The following TMCO5A variants were observed in gnomAD, a reference collection of about 807,000 sequenced individuals.
The protein encoded by TMCO5A is transmembrane and coiled-coil domain-containing protein 5A.
Under a neutral mutation model 42.3 loss-of-function variants are expected in TMCO5A, and 34 were observed. The ratio of observed to expected loss-of-function variants is 0.80; its 90% CI spans 0.61 to 1.07. The LOEUF is 1.07. TMCO5A is among the 50% of genes least tolerant of loss of function. The pLI, the probability that TMCO5A is intolerant of heterozygous loss-of-function variation, is 0.00. For synonymous variants in TMCO5A, 131 were observed against 115.6 expected (o/e 1.13, Z -0.86); for missense variants, 357 against 327.9 (o/e 1.09, Z -0.69).
At chr15:37,981,431 C>G in the TMCO5A span, among the ~76,000 whole-genome samples, 3 of 152,152 alleles carry the variant, frequency 2.0e-5, no homozygotes, top group Admixed American at 6.5e-5. Flanking sequence ...ATTAACTTTG[C>G]TTCCTTAAAA....
At chr15:38,001,214 A>G in the TMCO5A span, among the ~76,000 whole-genome samples, 1 of 152,020 alleles carries the variant, frequency 6.6e-6, no homozygotes, top group African/African-American at 2.4e-5. Flanking sequence ...AAATTCTTAT[A>G]TATCCTCTTG....
the TMCO5A span, among the ~76,000 whole-genome samples, chr15:38,023,307 A>G: frequency 1.3e-5 from 2 of 152,210 alleles, no homozygotes; most frequent in Admixed American, 1.3e-4. Flanking sequence ...TGAATCTGCA[A>G]TCTTAGCAGG....
chr15:37,992,419 G>A, the TMCO5A span, among the ~76,000 whole-genome samples: 35,694 of 151,826 alleles, frequency 0.24, 9,389 homozygotes, highest in African/African-American at 0.65. Context: ...TAGTTCCACC[G>A]TTGTGGAAAG....
chr15:37,987,481 T>C, the TMCO5A span, among the ~76,000 whole-genome samples: 5 of 152,012 alleles, frequency 3.3e-5, no homozygotes, highest in Non-Finnish European at 5.9e-5. Flanking sequence ...TTATAAAGAC[T>C]TTGTCCTGTG....
chr15:37,978,224 G>T, the TMCO5A span, among the ~76,000 whole-genome samples: 1 of 152,234 alleles, frequency 6.6e-6, no homozygotes, highest in Non-Finnish European at 1.5e-5. Context: ...GACAGAATGA[G>T]CTCCTTTCCT....
At chr15:38,000,759 T>A in the TMCO5A span, among the ~76,000 whole-genome samples, 3 of 152,152 alleles carry the variant, frequency 2.0e-5, no homozygotes, top group African/African-American at 2.4e-5. Context: ...AATTTCTTCA[T>A]TGACTTGCTG....
At chr15:38,015,531 C>A in the TMCO5A span, among the ~76,000 whole-genome samples, 4 of 151,248 alleles carry the variant, frequency 2.6e-5, no homozygotes, top group African/African-American at 9.7e-5. Context: ...ATCATAAAAT[C>A]TATAAATCAT....
chr15:38,028,543 A>G, the TMCO5A span, among the ~76,000 whole-genome samples: 1 of 152,146 alleles, frequency 6.6e-6, no homozygotes, highest in South Asian at 2.1e-4. Context: ...ACCTGTGCCA[A>G]CTCGCTTTTT....
the TMCO5A span, among the ~76,000 whole-genome samples, chr15:38,015,468 C>T: frequency 1.6e-4 from 25 of 152,300 alleles, no homozygotes; most frequent in African/African-American, 6.0e-4. Context: ...CAGAATGGTA[C>T]AGCCATTCTG....
intron 4 of TMCO5A, 31 bp downstream of exon 4, chr15:37,937,001 T>A (rs781051370): frequency 6.2e-7 from 1 of 1,610,042 alleles, no homozygotes; most frequent in Non-Finnish European, 8.5e-7. Context: ...AGCCATTTAA[T>A]AGGTTGCATT....
At chr15:37,979,673 C>T in the TMCO5A span, among the ~76,000 whole-genome samples, 1 of 151,920 alleles carries the variant, frequency 6.6e-6, no homozygotes, top group Non-Finnish European at 1.5e-5. Context: ...CAGCTGTGCT[C>T]GGTGGAGGGC....
chr15:37,940,242 T>C (rs766225225), intron 6 of TMCO5A, among the ~76,000 whole-genome samples: 11 of 152,132 alleles, frequency 7.2e-5, no homozygotes, highest in Admixed American at 1.3e-4. Context: ...ACCGAAATCC[T>C]TTTAGAAGCC....
the TMCO5A span, among the ~76,000 whole-genome samples, chr15:37,997,875 T>A: frequency 6.6e-6 from 1 of 152,218 alleles, no homozygotes; most frequent in Non-Finnish European, 1.5e-5. Flanking sequence ...CAGCATTTGT[T>A]ATTGTCTGTC....
At chr15:37,946,317 T>C (rs542666755) in intron 10 of TMCO5A, among the ~76,000 whole-genome samples, 1 of 152,302 alleles carries the variant, frequency 6.6e-6, no homozygotes, top group Admixed American at 6.5e-5. Flanking sequence ...GCTTTGTTCT[T>C]TTTGCTTAGG....
downstream of TMCO5A, among the ~76,000 whole-genome samples, chr15:37,954,350 G>A (rs1372490832): frequency 6.6e-6 from 1 of 152,110 alleles, no homozygotes; most frequent in Non-Finnish European, 1.5e-5. Flanking sequence ...AATATATCTG[G>A]CAGCAGACAT....
At chr15:37,938,013 T>C in intron 5 of TMCO5A, 145 bp from the exon 6 acceptor site, 1 of 687,268 alleles carries the variant, frequency 1.5e-6, no homozygotes, top group Non-Finnish European at 2.5e-6. Context: ...AGAACAAAGA[T>C]GTTTCCACAG....
the TMCO5A span, among the ~76,000 whole-genome samples, chr15:38,017,788 G>C: frequency 6.6e-6 from 1 of 152,128 alleles, no homozygotes; most frequent in Admixed American, 6.5e-5. Context: ...CCCCACCCAA[G>C]TCTTATCTCC....
the TMCO5A span, among the ~76,000 whole-genome samples, chr15:38,016,239 T>C: frequency 6.6e-6 from 1 of 152,180 alleles, no homozygotes; most frequent in African/African-American, 2.4e-5. Flanking sequence ...AAATAAAGTC[T>C]ATTTTTTAAT....
At chr15:37,970,301 C>A (rs1890649475), downstream of TMCO5A, among the ~76,000 whole-genome samples, 1 of 152,180 alleles carries the variant, frequency 6.6e-6, no homozygotes, top group African/African-American at 2.4e-5. Flanking sequence ...GAGAAGACAG[C>A]TTGTGTAGGA....
Sources: allele counts gnomAD v4.1 joint callset (sites outside exome capture counted in the v4.1 genomes callset), GRCh38; gene constraint gnomAD v4.1.1; transcripts MANE v1.5; gene names NCBI Gene and HGNC (gene_info 2026-07-23, HGNC 2026-07-21).